Variants in LRTM3 observed in about 807,000 individuals in gnomAD.
LRTM3 encodes leucine rich repeat transmembrane protein 3, also known as leucine-rich repeat transmembrane protein 3.
At chr13:102,731,800 T>C in the LRTM3 span, 1 of 1,550,706 alleles carries the variant, frequency 6.4e-7, no homozygotes, top group Admixed American at 2.0e-5. Context: ...TCATGTCCCA[T>C]ACTGGTTCAC....
chr13:102,745,158 G>A, the LRTM3 span: 1 of 1,550,654 alleles, frequency 6.4e-7, no homozygotes, highest in Admixed American at 2.0e-5. Context: ...TCTAATTTGT[G>A]AAAGTCAAGA....
At chr13:102,735,892 T>C in the LRTM3 span, 1 of 1,539,446 alleles carries the variant, frequency 6.5e-7, no homozygotes, top group Non-Finnish European at 8.8e-7. Context: ...CCACTCCAGG[T>C]TCCTTTTTGC....
At chr13:102,743,633 G>A in the LRTM3 span, 2 of 1,550,368 alleles carry the variant, frequency 1.3e-6, no homozygotes, top group Non-Finnish European at 1.7e-6. Context: ...GAAAGTTGCA[G>A]GTGAGTTTTC....
At chr13:102,743,815 G>A in the LRTM3 span, 1 of 1,550,030 alleles carries the variant, frequency 6.5e-7, no homozygotes. Flanking sequence ...TTAAACATTT[G>A]GCATTGAATA....
the LRTM3 span, chr13:102,731,296 G>T: frequency 6.4e-7 from 1 of 1,551,224 alleles, no homozygotes; most frequent in Non-Finnish European, 8.7e-7. Flanking sequence ...GAGACATAAA[G>T]TTCATTGTTT....
At chr13:102,745,510 C>T in the LRTM3 span, 142 of 1,550,788 alleles carry the variant, frequency 9.2e-5, no homozygotes, top group Admixed American at 1.4e-4. Context: ...TTCTACGTTT[C>T]GGACCAGCAC....
chr13:102,731,412 G>C, the LRTM3 span: 23 of 1,551,336 alleles, frequency 1.5e-5, no homozygotes, highest in East Asian at 5.4e-4. Context: ...ATCAGATTCA[G>C]TTGTATTTCA....
chr13:102,746,383 T>C, the LRTM3 span: 3 of 1,551,050 alleles, frequency 1.9e-6, no homozygotes, highest in South Asian at 3.6e-5. Context: ...TCTTATCTGC[T>C]GTTTCTCCTT....
chr13:102,738,024 T>A, the LRTM3 span: 1 of 1,550,436 alleles, frequency 6.4e-7, no homozygotes, highest in Non-Finnish European at 8.7e-7. Flanking sequence ...CTATCAACCT[T>A]TTCTTGTCCT....
chr13:102,731,885 A>G, the LRTM3 span: 4 of 1,549,340 alleles, frequency 2.6e-6, no homozygotes, highest in Middle Eastern at 1.7e-4. Context: ...AATGCGTTTT[A>G]GAATCTTTTC....
chr13:102,757,622 C>T, the LRTM3 span, among the ~76,000 whole-genome samples: 1 of 152,230 alleles, frequency 6.6e-6, no homozygotes, highest in East Asian at 1.9e-4. Flanking sequence ...TCTTTCTTAT[C>T]CTCCTAAACC....
chr13:102,742,854 T>G, the LRTM3 span: 2 of 1,550,748 alleles, frequency 1.3e-6, no homozygotes, highest in African/African-American at 1.4e-5. Flanking sequence ...GAATGGCCAA[T>G]GTTCTGTTTA....
the LRTM3 span, chr13:102,744,509 C>T: frequency 6.4e-7 from 1 of 1,550,492 alleles, no homozygotes; most frequent in Non-Finnish European, 8.7e-7. Context: ...CATATGAGGA[C>T]TTTGTTTCAT....
chr13:102,739,269 A>C, the LRTM3 span: 2 of 1,549,904 alleles, frequency 1.3e-6, no homozygotes, highest in Non-Finnish European at 1.7e-6. Flanking sequence ...AAAGTGATAC[A>C]TTTGAGGCCC....
the LRTM3 span, chr13:102,734,653 G>A: frequency 1.4e-5 from 22 of 1,550,642 alleles, no homozygotes; most frequent in East Asian, 4.9e-5. Context: ...CACCAACGAC[G>A]GACTCTCTAT....
At chr13:102,739,798 TAAAG>T in the LRTM3 span, 1 of 1,549,266 alleles carries the variant, frequency 6.5e-7, no homozygotes, top group Non-Finnish European at 8.7e-7. Flanking sequence ...TGAAGTGAGG[TAAAG>T]AAAGAATAGA....
the LRTM3 span, chr13:102,733,470 C>T: frequency 6.4e-7 from 1 of 1,551,182 alleles, no homozygotes; most frequent in East Asian, 2.4e-5. Context: ...CCAAGTGTGA[C>T]ATACAGTTCC....
At chr13:102,758,515 T>C in the LRTM3 span, 3 of 1,540,660 alleles carry the variant, frequency 1.9e-6, no homozygotes, top group Non-Finnish European at 2.6e-6. Context: ...AAGTTTTATA[T>C]TAAAATGTGA....
chr13:102,734,023 T>C, the LRTM3 span: 1 of 1,551,450 alleles, frequency 6.4e-7, no homozygotes, highest in Non-Finnish European at 8.7e-7. Context: ...GAGGAGGTGC[T>C]GACGGTATAG....
Sources: allele counts gnomAD v4.1 joint callset (sites outside exome capture counted in the v4.1 genomes callset), GRCh38; gene constraint gnomAD v4.1.1; transcripts MANE v1.5; gene names NCBI Gene and HGNC (gene_info 2026-07-23, HGNC 2026-07-21).